ZBED6: variants seen among roughly 807,000 people sequenced by gnomAD.
The protein encoded by ZBED6 is zinc finger BED-type containing 6, also known as zinc finger BED domain-containing protein 6.
ZBED6 carries 40 observed loss-of-function variants against 58.4 expected under a neutral mutation model. The ratio of observed to expected loss-of-function variants is 0.68; its 90% confidence interval spans 0.53 to 0.89. The LOEUF is 0.89. Among genes scored for constraint, ZBED6 ranks in the 40% least tolerant of loss-of-function variants. The pLI is 0.00. For synonymous variants in ZBED6, 439 were observed against 350.6 expected (o/e 1.25, Z -2.82); for missense variants, 1,057 against 1,003.9 (o/e 1.05, Z -0.71).
rs1171344936 is a variant in ZBED6 at position 203,848,275 on chromosome 1, A to G, written c.*4246-56A>G. ...AAATAAAGTTTTGTTTAACATATCTATCATGAAGTTGCAGCTTAAATAAAA... is the reference window on the plus strand; with the variant it reads ...AAATAAAGTTTTGTTTAACATATCTGTCATGAAGTTGCAGCTTAAATAAAA... On this transcript the variant is annotated intron_variant, in intron 12 of 16. Transcript: ENST00000550078. 23 of 1,421,768 alleles carry G rather than the reference A, an allele frequency of 1.6e-5. No individual in the cohort carries two copies. The East Asian group carries it at 3.0e-4, about 18-fold the overall frequency. The allele number at this position is 1,421,768 out of a possible 1,614,324, so 88.1% of individuals were successfully genotyped here.
chr1:203,850,247 TC>T (rs1464500708), intron 14 of ZBED6: 7 of 652,922 alleles, frequency 1.1e-5, no homozygotes, highest in Non-Finnish European at 1.8e-5. Flanking sequence ...TGTAAAACTT[TC>T]TATGGTGCAT....
chr1:203,821,762 GT>G (rs201404414), intron 3 of ZBED6, among the ~76,000 whole-genome samples: 119 of 141,606 alleles, frequency 8.4e-4, no homozygotes, highest in South Asian at 7.1e-3. Context: ...TTTTGGTTTT[GT>G]TTTTTTTTTT....
chr1:203,829,684 CAAAT>C, intron 5 of ZBED6, 30 bp downstream of exon 5: 2 of 1,613,298 alleles, frequency 1.2e-6, no homozygotes, highest in South Asian at 1.1e-5. Flanking sequence ...TTCTTTAAGG[CAAAT>C]AAATAGGGTC....
intron 9 of ZBED6, among the ~76,000 whole-genome samples, chr1:203,835,333 A>T (rs1430298452): frequency 1.3e-5 from 2 of 152,186 alleles, no homozygotes; most frequent in African/African-American, 4.8e-5. Context: ...TATTTTCTGC[A>T]CTGAGCTCAA....
chr1:203,830,172 G>T (rs760994151), exon 7 of ZBED6: 1 of 1,598,774 alleles, frequency 6.3e-7, no homozygotes, highest in Admixed American at 1.9e-5. Context: ...TTAAGTCAAA[G>T]AAAATGAAGG....
At chr1:203,829,425 A>G (rs752619461) in intron 4 of ZBED6, 26 bp from the exon 5 acceptor site, 1 of 1,613,574 alleles carries the variant, frequency 6.2e-7, no homozygotes, top group Non-Finnish European at 8.5e-7. Context: ...TCTGTTTTTA[A>G]TTTATGACTG....
At chr1:203,805,273 A>G (rs1671930353) in intron 1 of ZBED6, among the ~76,000 whole-genome samples, 1 of 150,792 alleles carries the variant, frequency 6.6e-6, no homozygotes, top group African/African-American at 2.4e-5. Context: ...GTAGGACTAC[A>G]GGCGCCCGCC....
exon 1 of ZBED6, chr1:203,795,720 A>G (rs1053849454): frequency 6.6e-6 from 1 of 152,212 alleles, no homozygotes; most frequent in African/African-American, 2.4e-5. Flanking sequence ...GGCAGCGGCC[A>G]AGCAAGAAGA....
At position 203,828,424 on chromosome 1, in the gene ZBED6, T is replaced by G. The variant is rs753586280; in HGVS notation, c.*2997+2T>G. The G allele has an allele frequency of 6.2e-7, 1 of 1,607,842 alleles. No homozygotes were observed. Among genetic ancestry groups the G allele is most frequent in the Non-Finnish European group, 8.5e-7 (1 of 1,176,442 alleles). On this transcript the variant is annotated splice_donor_variant, in intron 4 of 16. Coordinates refer to ENST00000550078, the Ensembl canonical transcript of ZBED6. LOFTEE classifies it low-confidence loss of function (3UTR_SPLICE). ...GCCTTTTCCTACCTCCGAGCAAAAGTGAGATCAGTTTTTAATTTTAAAAGA... is the reference window on the plus strand; with the variant it reads ...GCCTTTTCCTACCTCCGAGCAAAAGGGAGATCAGTTTTTAATTTTAAAAGA...
chr1:203,842,411 A>G (rs1423100657), intron 11 of ZBED6, among the ~76,000 whole-genome samples: 2 of 152,190 alleles, frequency 1.3e-5, no homozygotes, highest in East Asian at 1.9e-4. Flanking sequence ...AGCCCGGCCA[A>G]CACGGCGAAA....
intron 9 of ZBED6, 117 bp from the exon 10 acceptor site, chr1:203,837,849 G>T: frequency 2.2e-6 from 2 of 909,366 alleles, no homozygotes; most frequent in Non-Finnish European, 1.7e-6. Context: ...GAACAAACAC[G>T]CCATATGTAT....
At chr1:203,821,154 C>T (rs1251102585) in intron 3 of ZBED6, among the ~76,000 whole-genome samples, 7 of 152,052 alleles carry the variant, frequency 4.6e-5, no homozygotes, top group South Asian at 2.1e-4. Context: ...AGTGCGTTCT[C>T]GTGAGATCTG....
chr1:203,837,576 G>A (rs867303557), intron 9 of ZBED6, among the ~76,000 whole-genome samples: 1 of 151,774 alleles, frequency 6.6e-6, no homozygotes, highest in African/African-American at 2.4e-5. Context: ...CTGGGCTCAA[G>A]TGATCCTTCT....
intron 9 of ZBED6, among the ~76,000 whole-genome samples, chr1:203,837,666 C>T (rs1437007836): frequency 6.6e-6 from 1 of 151,998 alleles, no homozygotes; most frequent in Non-Finnish European, 1.5e-5. Flanking sequence ...GTTTTAGAGA[C>T]AAGGTCTTGC....
At chr1:203,840,259 A>G (rs1251005045) in intron 10 of ZBED6, 47 bp from the exon 11 acceptor site, 2 of 1,589,280 alleles carry the variant, frequency 1.3e-6, no homozygotes. Flanking sequence ...TAAGCTGTAA[A>G]AAGTTTCTGT....
At chr1:203,831,287 A>G (rs1377804135) in intron 7 of ZBED6, among the ~76,000 whole-genome samples, 1 of 152,042 alleles carries the variant, frequency 6.6e-6, no homozygotes, top group Non-Finnish European at 1.5e-5. Context: ...CTTTATAGCA[A>G]CCTTGGAGTT....
In ZBED6 at chr1:203,834,096, A is replaced by T. The variant is rs1683402122; in HGVS notation, c.*3573+243A>T. ...AGCGTTTTGGAAGGAACTAGATTTT[A>T]AAAATGGTAAAGAACACCTCTATTT... is the stretch of plus-strand genomic sequence containing the variant. On this transcript the variant is annotated intron_variant, in intron 9 of 16. Transcript: ENST00000550078. 5 of 1,171,466 alleles carry T rather than the reference A, an allele frequency of 4.3e-6. No homozygotes were observed. In the South Asian group the frequency reaches 1.5e-4, roughly 36 times the overall value. The allele number at this position is 1,171,466 out of a possible 1,614,324, so 72.6% of individuals were successfully genotyped here.
rs1677177920 is a variant in ZBED6, at chr1:203,818,684, A to G, written c.*2868A>G. ...GGTGTGCAGGTTTCGGCACATGGAGATTGATGTAAGTTTTTTATTTCCGTT... is the reference window on the plus strand; with the variant it reads ...GGTGTGCAGGTTTCGGCACATGGAGGTTGATGTAAGTTTTTTATTTCCGTT... On this transcript the variant is annotated 3_prime_UTR_variant, in exon 3 of 17. Coordinates refer to ENST00000550078, the Ensembl canonical transcript of ZBED6. 8 of 1,614,058 alleles carry G rather than the reference A, an allele frequency of 5.0e-6. No individual in the cohort carries two copies. The highest frequency in any genetic ancestry group is 6.8e-6 in the Non-Finnish European group (8 of 1,180,016).
At position 203,797,180 on chromosome 1, in the gene ZBED6, G is replaced by A. The variant is rs549402292; in HGVS notation, c.-343G>A. 3.5e-5 allele frequency: 6 copies of A among 169,660 alleles called. No individual in the cohort carries two copies. The highest frequency in any genetic ancestry group is 2.7e-3 in the Middle Eastern group (1 of 374). The allele number at this position is 169,660 out of a possible 1,614,324, so 10.5% of individuals were successfully genotyped here. ...CAGGAAGAACATGGATCTGGGATTT[G>A]GAAGACCTGGCTTCTAGCTGCTACT... On this transcript the variant is annotated 5_prime_UTR_variant, in exon 1 of 17. An upstream open reading frame in the 5' UTR gains an earlier in-frame stop. Transcript: ENST00000550078.
Sources: allele counts gnomAD v4.1 joint callset (sites outside exome capture counted in the v4.1 genomes callset), GRCh38; gene constraint gnomAD v4.1.1; transcripts MANE v1.5; gene names NCBI Gene and HGNC (gene_info 2026-07-23, HGNC 2026-07-21).